The following MYO16 variants were observed in gnomAD, a reference collection of about 807,000 sequenced individuals.
The protein encoded by MYO16 is myosin XVI.
Under a neutral mutation model 205.3 loss-of-function variants are expected in MYO16, and 94 were observed. The observed-to-expected ratio is 0.46, with a 90% CI of 0.39 to 0.54. The LOEUF (loss-of-function observed/expected upper bound fraction) is 0.54, where lower values mean the gene tolerates loss of function less well. MYO16 is among the 20% of genes least tolerant of loss of function. MYO16 has a pLI of 0.00. For synonymous variants in MYO16, 988 were observed against 954.0 expected (o/e 1.04, Z -0.66); for missense variants, 2,315 against 2,387.5 (o/e 0.97, Z 0.63).
intron 4 of MYO16, among the ~76,000 whole-genome samples, chr13:108,775,433 G>T (rs1357176106): frequency 6.6e-6 from 1 of 152,146 alleles, no homozygotes; most frequent in African/African-American, 2.4e-5. Flanking sequence ...AATGTCAAAA[G>T]AAATTATTGA....
intron 11 of MYO16, among the ~76,000 whole-genome samples, chr13:108,856,163 C>A (rs538002811): frequency 4.3e-4 from 66 of 152,318 alleles, no homozygotes; most frequent in African/African-American, 1.5e-3. Context: ...AGTTTAGGCA[C>A]CTTGTAACAT....
chr13:109,077,792 C>T (rs1443446818), intron 27 of MYO16, among the ~76,000 whole-genome samples: 1 of 152,136 alleles, frequency 6.6e-6, no homozygotes, highest in Non-Finnish European at 1.5e-5. Flanking sequence ...TGTGCTTAAG[C>T]TTCATCAGGC....
intron 27 of MYO16, among the ~76,000 whole-genome samples, chr13:109,059,077 T>G (rs1017220077): frequency 6.6e-6 from 1 of 152,096 alleles, no homozygotes; most frequent in Non-Finnish European, 1.5e-5. Flanking sequence ...CTATTGTTGT[T>G]TCCACCACAT....
intron 27 of MYO16, among the ~76,000 whole-genome samples, chr13:109,089,907 A>G (rs1311323204): frequency 6.6e-6 from 1 of 152,222 alleles, no homozygotes; most frequent in East Asian, 1.9e-4. Context: ...AATTTAGGGA[A>G]GTCCCTTACC....
intron 4 of MYO16, among the ~76,000 whole-genome samples, chr13:108,760,632 A>T (rs990188433): frequency 1.3e-5 from 2 of 152,182 alleles, no homozygotes; most frequent in African/African-American, 4.8e-5. Flanking sequence ...TAGCCATTAC[A>T]GAAAGAAGTA....
chr13:109,126,983 G>A (rs1876282254), intron 30 of MYO16, among the ~76,000 whole-genome samples: 1 of 152,242 alleles, frequency 6.6e-6, no homozygotes, highest in Non-Finnish European at 1.5e-5. Flanking sequence ...GTGAGTGCCT[G>A]ATGGAAAATG....
chr13:108,711,237 T>C (rs149821780), intron 2 of MYO16, among the ~76,000 whole-genome samples: 2 of 152,340 alleles, frequency 1.3e-5, no homozygotes, highest in Non-Finnish European at 2.9e-5. Flanking sequence ...GGCAAATGAA[T>C]ACGACACGAG....
At chr13:108,763,695 G>A (rs1489201892) in intron 4 of MYO16, among the ~76,000 whole-genome samples, 1 of 151,966 alleles carries the variant, frequency 6.6e-6, no homozygotes, top group Non-Finnish European at 1.5e-5. Context: ...GTTCCTTTTA[G>A]GATGTGTTAG....
chr13:109,169,798 A>G (rs961393365), intron 33 of MYO16, among the ~76,000 whole-genome samples: 2 of 152,238 alleles, frequency 1.3e-5, no homozygotes, highest in Non-Finnish European at 2.9e-5. Flanking sequence ...AATAACTCCA[A>G]TGTCACGTAC....
At chr13:108,831,004 G>T (rs1876589695) in intron 9 of MYO16, among the ~76,000 whole-genome samples, 1 of 151,970 alleles carries the variant, frequency 6.6e-6, no homozygotes, top group African/African-American at 2.4e-5. Flanking sequence ...AATTCAGCTG[G>T]ACCCATTTCT....
intron 27 of MYO16, among the ~76,000 whole-genome samples, chr13:109,084,161 A>G (rs1414675021): frequency 6.6e-6 from 1 of 152,226 alleles, no homozygotes; most frequent in African/African-American, 2.4e-5. Flanking sequence ...AAACCTGGGT[A>G]CTTATAAATT....
chr13:108,666,550 A>G (rs1180376141), intron 2 of MYO16, among the ~76,000 whole-genome samples: 1 of 152,040 alleles, frequency 6.6e-6, no homozygotes, highest in Non-Finnish European at 1.5e-5. Context: ...CTCGAACTCC[A>G]GAGCTCGAGC....
Position 108,993,916 on chromosome 13 carries a change from C to T in MYO16, c.2442+1468C>T, listed in dbSNP as rs193232480. ...CTGCAATGAGAGTCACTGGTTTATCCATCTCCTGGTAAGCGACATGTAGAA... is the reference window on the plus strand; with the variant it reads ...CTGCAATGAGAGTCACTGGTTTATCTATCTCCTGGTAAGCGACATGTAGAA... On this transcript the variant is annotated intron_variant, in intron 21 of 34. Coordinates refer to ENST00000457511, the MANE Select transcript of MYO16 (RefSeq NM_001198950.3). 2.0e-5 allele frequency among the ~76,000 whole-genome samples: 3 copies of T among 152,176 alleles called. No individual in the cohort carries two copies. In the East Asian group the frequency reaches 5.8e-4, roughly 29 times the overall value.
chr13:108,529,051 A>G, the MYO16 span, among the ~76,000 whole-genome samples: 2 of 152,054 alleles, frequency 1.3e-5, no homozygotes, highest in African/African-American at 4.8e-5. Flanking sequence ...CATAACCTAA[A>G]TATCATTTCC....
chr13:108,538,942 T>C, the MYO16 span, among the ~76,000 whole-genome samples: 2 of 152,114 alleles, frequency 1.3e-5, no homozygotes, highest in Non-Finnish European at 2.9e-5. Context: ...TCTTCCCTTT[T>C]TGAGTTCTCC....
At chr13:108,536,671 TAATG>T in the MYO16 span, among the ~76,000 whole-genome samples, 1 of 152,132 alleles carries the variant, frequency 6.6e-6, no homozygotes, top group African/African-American at 2.4e-5. Context: ...TTGGAAATGT[TAATG>T]AAGGAATACC....
At chr13:109,168,816 A>G (rs1256058690) in intron 33 of MYO16, among the ~76,000 whole-genome samples, 2 of 152,254 alleles carry the variant, frequency 1.3e-5, no homozygotes, top group African/African-American at 4.8e-5. Context: ...TTAACTAATG[A>G]CAATGCAAAT....
At chr13:108,557,221 G>A in the MYO16 span, among the ~76,000 whole-genome samples, 2 of 152,110 alleles carry the variant, frequency 1.3e-5, no homozygotes, top group Non-Finnish European at 2.9e-5. Context: ...ACTTTCAGTA[G>A]TATGAACAAC....
chr13:108,805,654 T>G (rs1887090484), intron 6 of MYO16, among the ~76,000 whole-genome samples: 1 of 152,100 alleles, frequency 6.6e-6, no homozygotes, highest in South Asian at 2.1e-4. Context: ...TGATGATAGT[T>G]TATATAGAAA....
Sources: allele counts gnomAD v4.1 joint callset (sites outside exome capture counted in the v4.1 genomes callset), GRCh38; gene constraint gnomAD v4.1.1; transcripts MANE v1.5; gene names NCBI Gene and HGNC (gene_info 2026-07-23, HGNC 2026-07-21).